CYP19A1: variants seen among roughly 807,000 people sequenced by gnomAD.
CYP19A1 encodes the protein aromatase.
CYP19A1 carries 32 observed loss-of-function variants against 44.4 expected under a neutral mutation model. The observed-to-expected ratio is 0.72, with a 90% CI of 0.54 to 0.97. CYP19A1 has a LOEUF of 0.97. Ranked by LOEUF, CYP19A1 falls within the 50% of genes least tolerant of loss-of-function variation. The probability of loss-of-function intolerance (pLI) is 0.00; values close to 1 mark genes in which losing one functional copy is unlikely to be tolerated. For synonymous variants in CYP19A1, 212 were observed against 215.6 expected (o/e 0.98, Z 0.14); for missense variants, 598 against 637.8 (o/e 0.94, Z 0.67).
At position 51,212,371 on chromosome 15, in the gene CYP19A1, G is replaced by A. The variant is rs772086882; in HGVS notation, c.1212C>T (p.Leu404=). 2.4e-5 allele frequency: 38 copies of A among 1,595,088 alleles called. No homozygotes were observed. In the South Asian group the frequency reaches 3.3e-4, roughly 14 times the overall value. The change falls in exon 9 of 10, where the codon CTC becomes CTT. Residue 404 remains leucine (L), a synonymous_variant. Transcript: ENST00000396402. ...ATTCATTGGGTTTGGGGAAAAACTCGAGTCTGTGCATCCTTCCAATATTCA... is the reference window on the plus strand; with the variant it reads ...ATTCATTGGGTTTGGGGAAAAACTCAAGTCTGTGCATCCTTCCAATATTCA... ...IILNIGRMHR[L]EFFPKPNEFT...
chr15:51,293,822 G>A, intron 1 of CYP19A1: 1 of 180,410 alleles, frequency 5.5e-6, no homozygotes, highest in Non-Finnish European at 1.1e-5. Context: ...GCCTCACAAG[G>A]TGCCGGGATT....
intron 1 of CYP19A1, among the ~76,000 whole-genome samples, chr15:51,253,032 G>A (rs2034382598): frequency 6.6e-6 from 1 of 152,114 alleles, no homozygotes; most frequent in Non-Finnish European, 1.5e-5. Flanking sequence ...AAACTAATTG[G>A]CTGGGGAAAC....
chr15:51,214,623 G>A (rs1018089689), intron 8 of CYP19A1, among the ~76,000 whole-genome samples: 1 of 152,200 alleles, frequency 6.6e-6, no homozygotes, highest in African/African-American at 2.4e-5. Context: ...AAAGTCTTTT[G>A]TAACTGACAA....
chr15:51,219,678 T>C (rs1027356119), intron 5 of CYP19A1, among the ~76,000 whole-genome samples: 6 of 152,210 alleles, frequency 3.9e-5, no homozygotes, highest in African/African-American at 1.4e-4. Flanking sequence ...AGGATCCCTG[T>C]GAAAAGGGAT....
At chr15:51,223,154 C>T (rs16964201) in intron 4 of CYP19A1, among the ~76,000 whole-genome samples, 18,901 of 152,066 alleles carry the variant, frequency 0.12, 2,290 homozygotes, top group African/African-American at 0.31. Context: ...ACCAGTCTTC[C>T]CTCACTGAAC....
At chr15:51,272,805 C>T (rs1025323548) in intron 1 of CYP19A1, among the ~76,000 whole-genome samples, 1 of 152,116 alleles carries the variant, frequency 6.6e-6, no homozygotes, top group African/African-American at 2.4e-5. Flanking sequence ...TTACAATGCC[C>T]CTGGTTATGA....
At chr15:51,276,530 A>AC (rs1195394669) in intron 1 of CYP19A1, among the ~76,000 whole-genome samples, 1 of 152,254 alleles carries the variant, frequency 6.6e-6, no homozygotes, top group African/African-American at 2.4e-5. Context: ...CATAGCAAAC[A>AC]CAAGTTACAT....
chr15:51,266,709 T>A (rs1440690454), intron 1 of CYP19A1, among the ~76,000 whole-genome samples: 1 of 152,216 alleles, frequency 6.6e-6, no homozygotes, highest in African/African-American at 2.4e-5. Flanking sequence ...CCGGACCGTG[T>A]GAGAAAGCTG....
At chr15:51,304,527 T>C (rs2036175832) in intron 1 of CYP19A1, among the ~76,000 whole-genome samples, 1 of 152,222 alleles carries the variant, frequency 6.6e-6, no homozygotes, top group Admixed American at 6.5e-5. Context: ...TAACCATGGT[T>C]TTCAGTGGAT....
chr15:51,265,766 G>C (rs1246763543), intron 1 of CYP19A1, among the ~76,000 whole-genome samples: 1 of 152,200 alleles, frequency 6.6e-6, no homozygotes, highest in South Asian at 2.1e-4. Flanking sequence ...ACAACCAGCT[G>C]TCCCCAAGCA....
rs1429613401 is a variant in CYP19A1 at position 51,210,289 on chromosome 15, A to G, written c.*519T>C. ...AGGGTCAAATGCTGAATTTCTAAGCATTTCTCCAAAGACTATGAATGTTGC... is the reference window on the plus strand; with the variant it reads ...AGGGTCAAATGCTGAATTTCTAAGCGTTTCTCCAAAGACTATGAATGTTGC... On this transcript the variant is annotated 3_prime_UTR_variant, in exon 10 of 10. Coordinates refer to ENST00000396402, the MANE Select transcript of CYP19A1 (RefSeq NM_000103.4). The G allele has an allele frequency of 2.2e-6, 1 of 458,224 alleles. No individual in the cohort carries two copies. The allele number at this position is 458,224 out of a possible 1,614,324, so 28.4% of individuals were successfully genotyped here. A position where few individuals can be genotyped will look rare whatever the true frequency, so the allele number is the denominator to read the frequency against.
chr15:51,250,345 T>G (rs556854021), intron 1 of CYP19A1, among the ~76,000 whole-genome samples: 1 of 152,302 alleles, frequency 6.6e-6, no homozygotes, highest in East Asian at 1.9e-4. Context: ...CATGTGGGTT[T>G]GTAGAATCAC....
intron 3 of CYP19A1, among the ~76,000 whole-genome samples, chr15:51,236,097 T>C (rs1188053190): frequency 1.3e-5 from 2 of 152,250 alleles, no homozygotes; most frequent in African/African-American, 4.8e-5. Context: ...CAAAATATAA[T>C]AATGCAGAGA....
intron 1 of CYP19A1, among the ~76,000 whole-genome samples, chr15:51,255,063 G>A (rs538890922): frequency 6.6e-6 from 1 of 152,218 alleles, no homozygotes; most frequent in Non-Finnish European, 1.5e-5. Context: ...CCCTTAAGCT[G>A]AGTCTTAAGG....
chr15:51,242,359 A>T, intron 2 of CYP19A1: 1 of 278,748 alleles, frequency 3.6e-6, no homozygotes, highest in Non-Finnish European at 6.9e-6. Flanking sequence ...GCGGAAACAA[A>T]GTGAAAGGGA....
At chr15:51,277,070 AAAAG>A (rs1300002079) in intron 1 of CYP19A1, 1 of 152,198 alleles carries the variant, frequency 6.6e-6, no homozygotes, top group Non-Finnish European at 1.5e-5. Context: ...TAAAGAAAGA[AAAAG>A]AGAGAAAGTG....
chr15:51,222,516 C>A lies in CYP19A1; in HGVS notation c.461G>T (p.Gly154Val). The change falls in exon 5 of 10, where the codon GGC becomes GTC. Residue 154 changes from glycine to valine, a missense_variant. By Grantham distance (109) the Gly-to-Val change is moderately radical (BLOSUM62 -3). Coordinates refer to ENST00000396402, the MANE Select transcript of CYP19A1 (RefSeq NM_000103.4). The stretch of plus-strand genomic sequence containing the variant: ...TGTGACCATACGAACAAGGCCGGGG[C>A]CTGACAGAGCTGCAGAGTACACATC... ...TRPFFMKALSGPGLVRMVTVC... is the reference protein window; with the variant it reads ...TRPFFMKALSVPGLVRMVTVC... 1 of 1,613,358 alleles carries A rather than the reference C, an allele frequency of 6.2e-7. No homozygotes were observed. Among genetic ancestry groups the A allele is most frequent in the South Asian group, 1.1e-5 (1 of 90,984 alleles).
At chr15:51,318,102 A>G (rs2036461095) in intron 1 of CYP19A1, among the ~76,000 whole-genome samples, 1 of 152,162 alleles carries the variant, frequency 6.6e-6, no homozygotes, top group African/African-American at 2.4e-5. Flanking sequence ...CTCCCCTCAC[A>G]AGGCTGTCAC....
At chr15:51,281,791 A>ACTGCTG (rs2035527571) in intron 1 of CYP19A1, among the ~76,000 whole-genome samples, 1 of 152,218 alleles carries the variant, frequency 6.6e-6, no homozygotes, top group African/African-American at 2.4e-5. Flanking sequence ...AGCAAGAGTA[A>ACTGCTG]AGGGTACACT....
Sources: gnomAD v4.1 joint callset for allele counts (sites outside exome capture counted in the v4.1 genomes callset) on GRCh38, gnomAD v4.1.1 for gene constraint, MANE v1.5 for transcripts, NCBI Gene and HGNC (gene_info 2026-07-23, HGNC 2026-07-21) for gene names.